The following FBXW8 variants were observed in gnomAD, a reference collection of about 807,000 sequenced individuals.
FBXW8 encodes F-box and WD repeat domain containing 8, also known as F-box/WD repeat-containing protein 8.
FBXW8 carries 57 observed loss-of-function variants against 65.3 expected under a neutral mutation model. The ratio of observed to expected loss-of-function variants is 0.87; its 90% CI spans 0.71 to 1.09. FBXW8 has a LOEUF of 1.09. Among genes scored for constraint, FBXW8 ranks in the 50% least tolerant of loss-of-function variants. The pLI, the probability that FBXW8 is intolerant of heterozygous loss-of-function variation, is 0.00. For synonymous variants in FBXW8, 308 were observed against 330.2 expected (o/e 0.93, Z 0.73); for missense variants, 777 against 814.8 (o/e 0.95, Z 0.57).
At chr12:116,985,143 TA>T in intron 5 of FBXW8, 62 bp from the exon 6 acceptor site, 1 of 1,434,696 alleles carries the variant, frequency 7.0e-7, no homozygotes, top group Non-Finnish European at 9.3e-7. Flanking sequence ...TGCATGTTTT[TA>T]AAATAATTGA....
intron 1 of FBXW8, among the ~76,000 whole-genome samples, chr12:116,918,481 G>A (rs1035334612): frequency 6.6e-6 from 1 of 152,164 alleles, no homozygotes; most frequent in Non-Finnish European, 1.5e-5. Flanking sequence ...AAGGTAAGTA[G>A]GATTTGCCTT....
intron 3 of FBXW8, among the ~76,000 whole-genome samples, chr12:116,945,775 G>A (rs1592870779): frequency 6.6e-6 from 1 of 152,240 alleles, no homozygotes; most frequent in South Asian, 2.1e-4. Context: ...AGATTGGGTT[G>A]CCAGCCACTT....
intron 5 of FBXW8, among the ~76,000 whole-genome samples, chr12:116,981,796 T>C (rs1465089539): frequency 6.6e-6 from 1 of 152,138 alleles, no homozygotes; most frequent in African/African-American, 2.4e-5. Context: ...GTATTTTTAC[T>C]AGAGACGGGG....
chr12:116,938,588 G>A (rs1379587523), intron 2 of FBXW8, among the ~76,000 whole-genome samples: 2 of 152,176 alleles, frequency 1.3e-5, no homozygotes, highest in South Asian at 4.1e-4. Flanking sequence ...TTTAAGGTCC[G>A]ACATATTTGA....
At position 116,985,208 on chromosome 12, in the gene FBXW8, T is replaced by C; in HGVS notation, c.838T>C (p.Phe280Leu). 6.3e-7 allele frequency: 1 copy of C among 1,597,284 alleles called. No individual in the cohort carries two copies. Among genetic ancestry groups the C allele is most frequent in the Middle Eastern group, 1.7e-4 (1 of 5,982 alleles). Residue 280 changes from phenylalanine to leucine, a missense_variant and splice_region_variant, in exon 6 of 11, where the codon TTT becomes CTT. Transcript: ENST00000652555. ...SLAVAAYEDG[F>L]LNIWDLRTGK... is the part of the protein sequence containing the mutation. The stretch of plus-strand genomic sequence containing the variant: ...CTGCATTGTTTCTTGCTGCATAGGG[T>C]TTCTTAATATTTGGGATTTAAGGAC...
At chr12:116,915,504 C>T (rs1880332015) in intron 1 of FBXW8, among the ~76,000 whole-genome samples, 1 of 152,100 alleles carries the variant, frequency 6.6e-6, no homozygotes, top group Non-Finnish European at 1.5e-5. Context: ...GCAGCATCAC[C>T]AGCATGTCAG....
intron 8 of FBXW8, among the ~76,000 whole-genome samples, chr12:117,011,966 C>T (rs115312259): frequency 0.01 from 1,548 of 152,230 alleles, 24 homozygotes; most frequent in African/African-American, 0.035. Flanking sequence ...GCATTGTATT[C>T]GCTCTTATAA....
intron 8 of FBXW8, among the ~76,000 whole-genome samples, chr12:117,014,922 C>T (rs899430190): frequency 6.6e-6 from 1 of 152,194 alleles, no homozygotes; most frequent in Non-Finnish European, 1.5e-5. Flanking sequence ...GGACTCCTAT[C>T]CCTTACAGTT....
At chr12:116,921,146 T>C (rs1188162568) in intron 1 of FBXW8, among the ~76,000 whole-genome samples, 1 of 152,174 alleles carries the variant, frequency 6.6e-6, no homozygotes, top group Admixed American at 6.5e-5. Context: ...TGAGAATATG[T>C]CTTGAAGCTG....
chr12:117,002,076 A>G (rs1953536808), intron 7 of FBXW8, among the ~76,000 whole-genome samples: 1 of 152,138 alleles, frequency 6.6e-6, no homozygotes, highest in Non-Finnish European at 1.5e-5. Flanking sequence ...CTTAGGTCAC[A>G]ATAGGTGTTG....
rs536367930 is a variant in FBXW8 at position 117,029,244 on chromosome 12, C to G, written c.*1072C>G. 6.6e-6 allele frequency: 1 copy of G among 152,354 alleles called. No individual in the cohort carries two copies. The highest frequency in any genetic ancestry group is 1.9e-4 in the East Asian group (1 of 5,190). 9.4% of individuals were successfully genotyped at this position (152,354 alleles called of 1,614,324 possible). A position where few individuals can be genotyped will look rare whatever the true frequency, so the allele number is the denominator to read the frequency against. On this transcript the variant is annotated 3_prime_UTR_variant, in exon 11 of 11. Coordinates refer to ENST00000652555, the MANE Select transcript of FBXW8 (RefSeq NM_153348.3). Reference sequence around the variant, plus strand: ...GGCCAAATTATAGAATCCCCCAACCCCAAGACACTGCACCCTATGGGCTAT... The same window carrying G: ...GGCCAAATTATAGAATCCCCCAACCGCAAGACACTGCACCCTATGGGCTAT...
chr12:116,992,997 C>T (rs1236479437), intron 7 of FBXW8, among the ~76,000 whole-genome samples: 1 of 151,758 alleles, frequency 6.6e-6, no homozygotes, highest in African/African-American at 2.4e-5. Flanking sequence ...GAGAAATCTC[C>T]ATACTGTTTT....
intron 8 of FBXW8, among the ~76,000 whole-genome samples, chr12:117,019,576 C>G (rs937234326): frequency 6.6e-6 from 1 of 152,158 alleles, no homozygotes; most frequent in Non-Finnish European, 1.5e-5. Flanking sequence ...TTGTTCCATC[C>G]TGTTTTATTT....
intron 8 of FBXW8, among the ~76,000 whole-genome samples, chr12:117,014,463 C>G (rs961430268): frequency 6.6e-6 from 1 of 152,184 alleles, no homozygotes; most frequent in African/African-American, 2.4e-5. Flanking sequence ...GAAAGGGTCA[C>G]ATTTTCCCGT....
At chr12:116,994,137 A>T (rs755136401) in intron 7 of FBXW8, among the ~76,000 whole-genome samples, 1 of 152,236 alleles carries the variant, frequency 6.6e-6, no homozygotes, top group Non-Finnish European at 1.5e-5. Context: ...ATAGTAATAA[A>T]AACAGCATGG....
rs1450878927 is a variant in FBXW8 at position 117,019,152 on chromosome 12, T to TCTTTCTGCTCCCAGATCCCTCA, written c.1368-4992_1368-4971dup. Among the ~76,000 whole-genome samples, 11 of 152,346 alleles carry TCTTTCTGCTCCCAGATCCCTCA rather than the reference T, an allele frequency of 7.2e-5. No individual in the cohort carries two copies. In the East Asian group the frequency reaches 2.1e-3, roughly 29 times the overall value. On this transcript the variant is annotated intron_variant, in intron 8 of 10. Coordinates refer to ENST00000652555, the MANE Select transcript of FBXW8 (RefSeq NM_153348.3). ...AAGTCATCTTCAAGCTCTCTCTGCATCTTTCTGCTCCCAGATCCCTCACTG... is the reference window on the plus strand; with the variant it reads ...AAGTCATCTTCAAGCTCTCTCTGCATCTTTCTGCTCCCAGATCCCTCACTTTCTGCTCCCAGATCCCTCACTG...
chr12:116,938,973 G>A (rs1410041221), intron 2 of FBXW8, among the ~76,000 whole-genome samples: 1 of 152,188 alleles, frequency 6.6e-6, no homozygotes, highest in Non-Finnish European at 1.5e-5. Context: ...TTCATAGGTT[G>A]GGTGGGAAGT....
At chr12:116,970,626 G>T (rs1321483655) in intron 5 of FBXW8, among the ~76,000 whole-genome samples, 4 of 152,188 alleles carry the variant, frequency 2.6e-5, no homozygotes, top group Admixed American at 2.6e-4. Flanking sequence ...TAGTTCTTCA[G>T]TTGTTTTGCT....
At chr12:116,989,687 GGA>G (rs973443555) in intron 7 of FBXW8, among the ~76,000 whole-genome samples, 2 of 152,142 alleles carry the variant, frequency 1.3e-5, no homozygotes, top group African/African-American at 4.8e-5. Context: ...GGACCAAGGG[GGA>G]GAGAGAGAAA....
Sources: gnomAD v4.1 joint callset for allele counts (sites outside exome capture counted in the v4.1 genomes callset) on GRCh38, gnomAD v4.1.1 for gene constraint, MANE v1.5 for transcripts, NCBI Gene and HGNC (gene_info 2026-07-23, HGNC 2026-07-21) for gene names.